The following PCM1 variants were observed in gnomAD, a reference collection of about 807,000 sequenced individuals.
PCM1 encodes pericentriolar material 1 protein.
A neutral mutation model predicts 241.9 loss-of-function variants in PCM1; 157 were observed. The ratio of observed to expected loss-of-function variants is 0.65; its 90% CI spans 0.57 to 0.74. The LOEUF is 0.74. PCM1 is among the 30% of genes least tolerant of loss of function. The pLI is 0.00. For missense variants in PCM1, 3,478 were observed against 2,360.1 expected, an observed-to-expected ratio of 1.47 and a Z score of -9.81; for synonymous variants, 1,085 against 784.9, an observed-to-expected ratio of 1.38 and a Z score of -6.39.
rs751175322 is a variant in PCM1 at position 18,013,951 on chromosome 8, T to G, written c.5512-13T>G. 9 of 1,564,478 alleles carry G rather than the reference T, an allele frequency of 5.8e-6. No individual in the cohort carries two copies. The highest frequency in any genetic ancestry group is 7.0e-6 in the Non-Finnish European group (8 of 1,145,788). ...ATTTCAGGCCCTGCTATTAAAACAT[T>G]TTTCCCTTCTAGGTCCTACAACGTG... On this transcript the variant is annotated splice_polypyrimidine_tract_variant and intron_variant, in intron 34 of 38. Transcript: ENST00000325083.
At position 18,028,209 on chromosome 8, in the gene PCM1, C is replaced by G. The variant is rs547867175; in HGVS notation, c.*547C>G. On this transcript the variant is annotated 3_prime_UTR_variant, in exon 39 of 39. Transcript: ENST00000325083. ...CCTGTGCAAGAATAGGGCAGATTAT[C>G]AAGATATCCAGGATACCTATGAAGT... is the stretch of plus-strand genomic sequence containing the variant. 7.3e-5 allele frequency: 14 copies of G among 190,700 alleles called. No homozygotes were observed. In the East Asian group the frequency reaches 1.2e-3, roughly 16 times the overall value. The allele number at this position is 190,700 out of a possible 1,614,324, so 11.8% of individuals were successfully genotyped here. A position where few individuals can be genotyped will look rare whatever the true frequency, so the allele number is the denominator to read the frequency against.
chr8:17,965,025 T>A (rs145057139), intron 18 of PCM1, among the ~76,000 whole-genome samples: 2 of 152,240 alleles, frequency 1.3e-5, no homozygotes, highest in African/African-American at 4.8e-5. Flanking sequence ...GGCTAGAAAT[T>A]TGGGAGTTCT....
At chr8:18,013,656 T>C (rs928004564) in intron 34 of PCM1, among the ~76,000 whole-genome samples, 3 of 152,190 alleles carry the variant, frequency 2.0e-5, no homozygotes, top group African/African-American at 4.8e-5. Context: ...TCTCGTCACT[T>C]CCTCCTTCAT....
In PCM1 at chr8:18,018,877, TATAC is replaced by T. The variant is rs1411073069; in HGVS notation, c.5841+4039_5841+4042del. Among the ~76,000 whole-genome samples, 343 of 38,732 alleles carry T rather than the reference TATAC, an allele frequency of 8.9e-3. 3 individuals carry two copies. The highest frequency in any genetic ancestry group is 0.024 in the Middle Eastern group (1 of 42). The allele number at this position is 38,732 out of a possible 152,430, so 25.4% of individuals were successfully genotyped here. A position where few individuals can be genotyped will look rare whatever the true frequency, so the allele number is the denominator to read the frequency against. Reference sequence around the variant, plus strand: ...GTATATATATATATATATATATATATATACACACACATATACATACACATATATA... The same window carrying T: ...GTATATATATATATATATATATATATACACACATATACATACACATATATA... On this transcript the variant is annotated intron_variant, in intron 36 of 38. Transcript: ENST00000325083.
rs71215287 is a variant in PCM1, at chr8:17,928,616, CTTTTTTTTTTT to C, written c.-23+3854_-23+3864del. On this transcript the variant is annotated intron_variant, in intron 2 of 38. Transcript: ENST00000325083. Reference sequence around the variant, plus strand: ...TCTTCTGCATTTTTAGTATCTCCCTCTTTTTTTTTTTTTTTTTTTTTTTTTTTTAAAGTGAG... The same window carrying C: ...TCTTCTGCATTTTTAGTATCTCCCTCTTTTTTTTTTTTTTTTTAAAGTGAG... 2.2e-3 allele frequency among the ~76,000 whole-genome samples: 178 copies of C among 82,580 alleles called. 3 individuals carry two copies. The South Asian group carries it at 0.06, about 28-fold the overall frequency. 54.2% of individuals were successfully genotyped at this position (82,580 alleles called of 152,430 possible).
intron 6 of PCM1, among the ~76,000 whole-genome samples, chr8:17,941,955 AGTT>A (rs971006084): frequency 3.9e-4 from 59 of 152,296 alleles, no homozygotes; most frequent in African/African-American, 1.4e-3. Context: ...TTGTTAATAT[AGTT>A]GTCATACTGT....
chr8:18,022,873 C>G (rs1049026570), intron 36 of PCM1, among the ~76,000 whole-genome samples: 2 of 152,142 alleles, frequency 1.3e-5, no homozygotes, highest in Non-Finnish European at 2.9e-5. Flanking sequence ...ATGGAATACC[C>G]CTGTAGTTTC....
intron 23 of PCM1, 133 bp from the exon 24 acceptor site, chr8:17,980,458 T>C: frequency 1.6e-6 from 1 of 614,966 alleles, no homozygotes; most frequent in Non-Finnish European, 2.7e-6. Flanking sequence ...ATTTACTGTT[T>C]TGTATTCTAT....
intron 2 of PCM1, among the ~76,000 whole-genome samples, chr8:17,931,148 C>T (rs2058897693): frequency 6.6e-6 from 1 of 152,092 alleles, no homozygotes; most frequent in Non-Finnish European, 1.5e-5. Flanking sequence ...TTAGAGTGTA[C>T]AGTTTTAAAA....
intron 24 of PCM1, 23 bp from the exon 25 acceptor site, chr8:17,985,424 T>G: frequency 6.6e-7 from 1 of 1,523,820 alleles, no homozygotes; most frequent in East Asian, 2.5e-5. Flanking sequence ...AATATTAACT[T>G]TCTGGTCTTT....
chr8:17,993,716 AAAC>A (rs1170593536), intron 29 of PCM1, 97 bp downstream of exon 29: 3 of 977,442 alleles, frequency 3.1e-6, no homozygotes, highest in East Asian at 2.8e-5. Context: ...CGGTATAGGT[AAAC>A]AACAACAAAA....
chr8:17,957,191 C>T (rs548423794), intron 11 of PCM1, 73 bp from the exon 12 acceptor site: 3 of 1,170,792 alleles, frequency 2.6e-6, no homozygotes, highest in East Asian at 4.8e-5. Context: ...ATTTTATTAG[C>T]AGTTCTAAAC....
chr8:17,956,116 A>AC lies in PCM1; in HGVS notation c.1472+464dup, dbSNP rs1408537681. 2.8e-5 allele frequency among the ~76,000 whole-genome samples: 3 copies of AC among 108,130 alleles called. No individual in the cohort carries two copies. The East Asian group carries it at 1.5e-3, about 55-fold the overall frequency. The allele number at this position is 108,130 out of a possible 152,430, so 70.9% of individuals were successfully genotyped here. On this transcript the variant is annotated intron_variant, in intron 10 of 38. Transcript: ENST00000325083. The stretch of plus-strand genomic sequence containing the variant: ...AACGTTGGCGCAGTTCCTGGCACTT[A>AC]CAGTAAGAACTCAGCTAACTTAATT...
At chr8:17,951,513 A>ATGTC (rs2066002147) in intron 8 of PCM1, among the ~76,000 whole-genome samples, 1 of 152,214 alleles carries the variant, frequency 6.6e-6, no homozygotes, top group African/African-American at 2.4e-5. Context: ...AACAGCCCAA[A>ATGTC]TGTCCATCAA....
At position 17,947,410 on chromosome 8, in the gene PCM1, A is replaced by T; in HGVS notation, c.961+47A>T. On this transcript the variant is annotated intron_variant, in intron 7 of 38. Transcript: ENST00000325083. ...TTCTTTTTGTAAGGAAGACTCATAC[A>T]TAATTGTATTGCAGGGTGGATGCTG... 2.3e-6 allele frequency: 3 copies of T among 1,329,168 alleles called. No individual in the cohort carries two copies. The South Asian group carries it at 4.3e-5, about 19-fold the overall frequency. 82.3% of individuals were successfully genotyped at this position (1,329,168 alleles called of 1,614,324 possible). A position where few individuals can be genotyped will look rare whatever the true frequency, so the allele number is the denominator to read the frequency against.
At chr8:17,983,165 G>C (rs1017608183) in intron 24 of PCM1, 10 of 734,892 alleles carry the variant, frequency 1.4e-5, no homozygotes, top group Middle Eastern at 2.8e-4. Context: ...ACTTATTCAT[G>C]TTATAGACCC....
chr8:17,966,558 C>A, intron 20 of PCM1, 85 bp downstream of exon 20: 1 of 1,216,126 alleles, frequency 8.2e-7, no homozygotes, highest in Non-Finnish European at 1.2e-6. Context: ...GAGAAAAGAG[C>A]AAGACCAAAT....
chr8:17,929,315 G>A (rs1420521667), intron 2 of PCM1, among the ~76,000 whole-genome samples: 1 of 152,034 alleles, frequency 6.6e-6, no homozygotes, highest in Admixed American at 6.6e-5. Context: ...TAGTGTATTA[G>A]CGTGTCCTTT....
chr8:18,001,695 T>C (rs1284109848), intron 29 of PCM1, among the ~76,000 whole-genome samples: 1 of 152,228 alleles, frequency 6.6e-6, no homozygotes, highest in African/African-American at 2.4e-5. Context: ...TTTCTTATAT[T>C]GTACTCATAC....
Sources: gnomAD v4.1 joint callset for allele counts (sites outside exome capture counted in the v4.1 genomes callset) on GRCh38, gnomAD v4.1.1 for gene constraint, MANE v1.5 for transcripts, NCBI Gene and HGNC (gene_info 2026-07-23, HGNC 2026-07-21) for gene names.